The following F10 variants were observed in gnomAD, a reference collection of about 807,000 sequenced individuals.
The protein encoded by F10 is Stuart-Prower factor.
A neutral mutation model predicts 37.1 loss-of-function variants in F10; 29 were observed. The ratio of observed to expected loss-of-function variants is 0.78; its 90% confidence interval spans 0.58 to 1.07. The LOEUF (loss-of-function observed/expected upper bound fraction) is 1.07. Among genes scored for constraint, F10 ranks in the 50% least tolerant of loss-of-function variants. The probability of loss-of-function intolerance (pLI) is 0.00; values close to 1 mark genes in which losing one functional copy is unlikely to be tolerated. For missense variants in F10, 539 were observed against 667.9 expected (o/e 0.81, Z 2.13); for synonymous variants, 262 against 268.6 (o/e 0.98, Z 0.24).
Position 113,139,543 on chromosome 13 carries a change from G to T in F10, c.370+73G>T. On this transcript the variant is annotated intron_variant, in intron 4 of 7. Coordinates refer to ENST00000375559, the MANE Select transcript of F10 (RefSeq NM_000504.4). The surrounding 1 kb of genome is among the most constrained non-coding windows in gnomAD (Gnocchi z 5.2). ...GTGGCAGGTGGGCGGGGGAAGAAGT[G>T]AAAACGCCTAATGAAACAATCTTAA... The T allele has an allele frequency of 9.0e-7, 1 of 1,113,850 alleles. No individual in the cohort carries two copies. The highest frequency in any genetic ancestry group is 1.4e-6 in the Non-Finnish European group (1 of 734,200). The allele number at this position is 1,113,850 out of a possible 1,614,324, so 69.0% of individuals were successfully genotyped here.
At chr13:113,132,965 G>T (rs904952280) in intron 2 of F10, among the ~76,000 whole-genome samples, 1 of 152,162 alleles carries the variant, frequency 6.6e-6, no homozygotes, top group African/African-American at 2.4e-5. Flanking sequence ...TAAGTACTCG[G>T]AAATTAAGTC....
rs1233137158 is a variant in F10, at chr13:113,141,719, C to A, written c.502+669C>A. Reference sequence around the variant, plus strand: ...CCGGCACTTCCACACGGCCAGCACACATGAGGCCCTCGAAGGCGGGGCCTA... The same window carrying A: ...CCGGCACTTCCACACGGCCAGCACAAATGAGGCCCTCGAAGGCGGGGCCTA... On this transcript the variant is annotated intron_variant, in intron 5 of 7. Coordinates refer to ENST00000375559, the MANE Select transcript of F10 (RefSeq NM_000504.4). This position sits in a 1 kb window ranked among gnomAD's most constrained non-coding sequence, Gnocchi z 5.4. 6.6e-6 allele frequency among the ~76,000 whole-genome samples: 1 copy of A among 152,198 alleles called. No individual in the cohort carries two copies. Among genetic ancestry groups the A allele is most frequent in the Non-Finnish European group, 1.5e-5 (1 of 68,028 alleles).
In F10 at chr13:113,149,310, G is replaced by A; in HGVS notation, c.1260G>A (p.Gly420=). 1 of 1,613,252 alleles carries A rather than the reference G, an allele frequency of 6.2e-7. No homozygotes were observed. Among genetic ancestry groups the A allele is most frequent in the East Asian group, 2.2e-5 (1 of 44,882 alleles). Residue 420 remains glycine, a synonymous_variant, in exon 8 of 8, where the codon GGG becomes GGA. Coordinates refer to ENST00000375559, the MANE Select transcript of F10 (RefSeq NM_000504.4). This position sits in a 1 kb window ranked among gnomAD's most constrained non-coding sequence, Gnocchi z 7.5. ...KQEDACQGDS[G]GPHVTRFKDT... is the part of the protein sequence containing the mutation. Reference sequence around the variant, plus strand: ...AGGATGCCTGCCAGGGGGACAGCGGGGGCCCGCACGTCACCCGCTTCAAGG... The same window carrying A: ...AGGATGCCTGCCAGGGGGACAGCGGAGGCCCGCACGTCACCCGCTTCAAGG...
intron 2 of F10, among the ~76,000 whole-genome samples, chr13:113,135,461 G>A (rs1300853475): frequency 6.6e-6 from 1 of 152,130 alleles, no homozygotes; most frequent in Admixed American, 6.6e-5. Flanking sequence ...CTTCCAAGAC[G>A]GTGCCTCATG....
intron 5 of F10, among the ~76,000 whole-genome samples, chr13:113,142,773 A>G (rs1323627264): frequency 1.6e-5 from 2 of 127,582 alleles, no homozygotes; most frequent in Non-Finnish European, 3.6e-5. Flanking sequence ...AAAAAAAAAA[A>G]TACAAAAACT....
chr13:113,135,231 G>A (rs1170597033), intron 2 of F10, among the ~76,000 whole-genome samples: 9 of 148,796 alleles, frequency 6.0e-5, no homozygotes, highest in African/African-American at 1.7e-4. Flanking sequence ...CAACAAGAGC[G>A]AAACTCTGTC....
chr13:113,143,705 GGCC>G lies in F10; in HGVS notation c.503-145_503-143del. 4.2e-6 allele frequency: 5 copies of G among 1,193,552 alleles called. No individual in the cohort carries two copies. The highest frequency in any genetic ancestry group is 2.4e-5 in the Admixed American group (1 of 41,776). 73.9% of individuals were successfully genotyped at this position (1,193,552 alleles called of 1,614,324 possible). On this transcript the variant is annotated intron_variant, in intron 5 of 7. Transcript: ENST00000375559. The surrounding 1 kb of genome is among the most constrained non-coding windows in gnomAD (Gnocchi z 6.8). ...GATCCGACCCCTGCCGACGACGTGG[GGCC>G]TCGCCCTGCAAGCCCGCTGCCCCTC...
intron 1 of F10, 59 bp from the exon 2 acceptor site, chr13:113,129,393 G>GA: frequency 6.2e-7 from 1 of 1,608,130 alleles, no homozygotes; most frequent in South Asian, 1.1e-5. Context: ...GAGCATAGGT[G>GA]AGGGGGAGCC....
At chr13:113,130,915 G>C (rs191039598) in intron 2 of F10, 1 of 152,364 alleles carries the variant, frequency 6.6e-6, no homozygotes, top group Non-Finnish European at 1.5e-5. Context: ...AGAAGGGCGA[G>C]CGCAGCATCA....
At chr13:113,130,860 C>G (rs1480187945) in intron 2 of F10, 2 of 152,224 alleles carry the variant, frequency 1.3e-5, no homozygotes, top group Non-Finnish European at 2.9e-5. Context: ...AATAAACTGC[C>G]TCAGGGAGAC....
chr13:113,126,915 G>C (rs756029106), intron 1 of F10, among the ~76,000 whole-genome samples: 3 of 152,234 alleles, frequency 2.0e-5, no homozygotes, highest in Non-Finnish European at 4.4e-5. Flanking sequence ...TGAGGCTGCA[G>C]GTTGCAGGGA....
intron 5 of F10, among the ~76,000 whole-genome samples, chr13:113,142,386 A>C (rs7993329): frequency 0.027 from 407 of 14,892 alleles, 3 homozygotes; most frequent in Admixed American, 0.12. Flanking sequence ...GTAAAAATAC[A>C]AAAAAAAAAA....
chr13:113,139,577 T>A lies in F10; in HGVS notation c.370+107T>A. ...TAATGAAACAATCTTAAGTCATTTC[T>A]GATTTACAAAGTCTGGGCTCTATTA... is the stretch of plus-strand genomic sequence containing the variant. On this transcript the variant is annotated intron_variant, in intron 4 of 7. Coordinates refer to ENST00000375559, the MANE Select transcript of F10 (RefSeq NM_000504.4). This position sits in a 1 kb window ranked among gnomAD's most constrained non-coding sequence, Gnocchi z 5.2. 2.3e-6 allele frequency: 2 copies of A among 874,928 alleles called. No homozygotes were observed. The highest frequency in any genetic ancestry group is 5.3e-5 in the East Asian group (2 of 37,864). 54.2% of individuals were successfully genotyped at this position (874,928 alleles called of 1,614,324 possible).
chr13:113,134,491 T>TA (rs903541085), intron 2 of F10, among the ~76,000 whole-genome samples: 24 of 151,994 alleles, frequency 1.6e-4, no homozygotes, highest in East Asian at 1.2e-3. Flanking sequence ...GGAATCCTCT[T>TA]AAAAAAAATC....
At chr13:113,129,301 G>A in intron 1 of F10, 151 bp from the exon 2 acceptor site, 2 of 963,860 alleles carry the variant, frequency 2.1e-6, no homozygotes, top group South Asian at 1.4e-5. Flanking sequence ...AGTGAGTTGG[G>A]GGCTTAGAAT....
chr13:113,145,084 G>T (rs2138550887), intron 6 of F10, among the ~76,000 whole-genome samples: 1 of 152,298 alleles, frequency 6.6e-6, no homozygotes, highest in East Asian at 1.9e-4. Flanking sequence ...GTTTCACCGT[G>T]TTAGCCAGGA....
rs933721333 is a variant in F10 at position 113,139,850 on chromosome 13, T to C, written c.370+380T>C. Among the ~76,000 whole-genome samples, 1 of 152,178 alleles carries C rather than the reference T, an allele frequency of 6.6e-6. No individual in the cohort carries two copies. On this transcript the variant is annotated intron_variant, in intron 4 of 7. Transcript: ENST00000375559. This position sits in a 1 kb window ranked among gnomAD's most constrained non-coding sequence, Gnocchi z 5.2. ...TGTGACCCTGTGCAGTGATTCTAAA[T>C]CACCTCTTATTTATGTGTATGGATG...
At chr13:113,136,985 A>C (rs1029721973) in intron 2 of F10, among the ~76,000 whole-genome samples, 5 of 149,526 alleles carry the variant, frequency 3.3e-5, no homozygotes, top group Non-Finnish European at 7.4e-5. Context: ...GGGTTTCACC[A>C]TGTTGGCCAG....
At chr13:113,129,354 TG>T in intron 1 of F10, 97 bp from the exon 2 acceptor site, 1 of 1,486,370 alleles carries the variant, frequency 6.7e-7, no homozygotes, top group Non-Finnish European at 9.4e-7. Flanking sequence ...TTTTGTGATC[TG>T]GATATGGCAA....
Sources: allele counts gnomAD v4.1 joint callset (sites outside exome capture counted in the v4.1 genomes callset), GRCh38; gene constraint gnomAD v4.1.1; non-coding constraint Gnocchi (gnomAD v3.1); transcripts MANE v1.5; gene names NCBI Gene and HGNC (gene_info 2026-07-23, HGNC 2026-07-21).